ADCY9: variants seen among roughly 807,000 people sequenced by gnomAD.
ADCY9 encodes adenylate cyclase type 9.
Under a neutral mutation model 101.5 loss-of-function variants are expected in ADCY9, and 50 were observed. That is an observed-to-expected ratio of 0.49 (90% CI 0.39 to 0.62). The LOEUF is 0.62. ADCY9 is among the 20% of genes least tolerant of loss of function. ADCY9 has a pLI of 0.00. For synonymous variants in ADCY9, 905 were observed against 769.3 expected (o/e 1.18, Z -2.92); for missense variants, 1,662 against 1,800.4 (o/e 0.92, Z 1.39).
chr16:4,050,292 T>C (rs2056692421), intron 2 of ADCY9, among the ~76,000 whole-genome samples: 1 of 152,174 alleles, frequency 6.6e-6, no homozygotes, highest in African/African-American at 2.4e-5. Context: ...TCATGATTTT[T>C]ATATGAGATG....
At chr16:3,987,612 G>A (rs1175616638) in intron 6 of ADCY9, among the ~76,000 whole-genome samples, 4 of 152,230 alleles carry the variant, frequency 2.6e-5, no homozygotes, top group Non-Finnish European at 5.9e-5. Flanking sequence ...CACTCCGGGA[G>A]CCATGTCTGG....
At chr16:4,066,731 T>C (rs1172351211) in intron 2 of ADCY9, among the ~76,000 whole-genome samples, 1 of 152,114 alleles carries the variant, frequency 6.6e-6, no homozygotes, top group Non-Finnish European at 1.5e-5. Flanking sequence ...CCAGTAACAT[T>C]TACATGAGAT....
chr16:4,023,214 G>A (rs544532110), intron 2 of ADCY9, among the ~76,000 whole-genome samples: 1 of 152,344 alleles, frequency 6.6e-6, no homozygotes, highest in African/African-American at 2.4e-5. Context: ...GCTAGACGCT[G>A]GTGATAAAAC....
chr16:3,963,404 C>T lies in ADCY9; in HGVS notation c.*2371G>A, dbSNP rs1597128943. 3 of 398,568 alleles carry T rather than the reference C, an allele frequency of 7.5e-6. No individual in the cohort carries two copies. The South Asian group carries it at 3.8e-4, about 51-fold the overall frequency. 24.7% of individuals were successfully genotyped at this position (398,568 alleles called of 1,614,324 possible). On this transcript the variant is annotated 3_prime_UTR_variant, in exon 11 of 11. Coordinates refer to ENST00000294016, the MANE Select transcript of ADCY9 (RefSeq NM_001116.4). ...GCTGCAGAGATTCTGTGGTTCTGCA[C>T]TGAGGTATGCATCGGAGCAGGGGAC...
chr16:3,953,542 C>A (rs571392635), intron 5 of ADCY9: 1 of 151,846 alleles, frequency 6.6e-6, no homozygotes, highest in Non-Finnish European at 1.5e-5. Context: ...TGGGAAAATG[C>A]GGATAAGAAG....
Position 4,114,577 on chromosome 16 carries a change from C to A in ADCY9, c.866G>T (p.Gly289Val), listed in dbSNP as rs778614555. The A allele has an allele frequency of 6.2e-7, 1 of 1,614,014 alleles. No homozygotes were observed. Among genetic ancestry groups the A allele is most frequent in the Non-Finnish European group, 8.5e-7 (1 of 1,180,052 alleles). Residue 289 changes from glycine (G) to valine (V), a missense_variant, in exon 2 of 11, where the codon GGC becomes GTC. By Grantham distance (109) the Gly-to-Val change is moderately radical. This residue lies in a region of ADCY9 where 422 missense variants were observed against 392.0 expected (regional missense o/e 1.08). Transcript: ENST00000294016. This position sits in a 1 kb window ranked among gnomAD's most constrained non-coding sequence, Gnocchi z 4.3. ...GTGGACCCCGATGGCGTGGATGCAGCCGTGGAGCAGCCCCCTGCTCAGCAG... is the reference window on the plus strand; with the variant it reads ...GTGGACCCCGATGGCGTGGATGCAGACGTGGAGCAGCCCCCTGCTCAGCAG... ...WELLSRGLLH[G>V]CIHAIGVHLF... is the part of the protein sequence containing the mutation.
At chr16:3,986,906 G>T (rs1159925642) in intron 6 of ADCY9, among the ~76,000 whole-genome samples, 2 of 152,218 alleles carry the variant, frequency 1.3e-5, no homozygotes, top group Admixed American at 1.3e-4. Flanking sequence ...AACACAACCT[G>T]TTCCAGATCC....
chr16:4,013,883 C>T (rs570843489), intron 2 of ADCY9, among the ~76,000 whole-genome samples: 2 of 152,236 alleles, frequency 1.3e-5, no homozygotes, highest in East Asian at 1.9e-4. Context: ...AAATGCTCTC[C>T]GGAGGGTTGT....
chr16:4,054,908 C>A (rs1437514101), intron 2 of ADCY9, among the ~76,000 whole-genome samples: 2 of 152,150 alleles, frequency 1.3e-5, no homozygotes, highest in Non-Finnish European at 2.9e-5. Context: ...ACAAAAGAAT[C>A]CCACATGCTG....
intron 2 of ADCY9, among the ~76,000 whole-genome samples, chr16:4,028,313 C>A (rs1218699382): frequency 6.6e-6 from 1 of 152,206 alleles, no homozygotes; most frequent in Non-Finnish European, 1.5e-5. Flanking sequence ...ATGTTCAGAG[C>A]AGCTCTGTTT....
intron 2 of ADCY9, among the ~76,000 whole-genome samples, chr16:4,104,127 A>G (rs1286701966): frequency 1.3e-5 from 2 of 152,212 alleles, no homozygotes; most frequent in Non-Finnish European, 2.9e-5. Flanking sequence ...TCCTGGGAAT[A>G]TGAATGAGTC....
At chr16:4,011,054 T>C (rs1487299666) in intron 2 of ADCY9, among the ~76,000 whole-genome samples, 1 of 152,020 alleles carries the variant, frequency 6.6e-6, no homozygotes, top group African/African-American at 2.4e-5. Flanking sequence ...TGCTGTTCTG[T>C]TATTGCTTCA....
chr16:4,057,766 T>G (rs2141157044), intron 2 of ADCY9, among the ~76,000 whole-genome samples: 1 of 152,188 alleles, frequency 6.6e-6, no homozygotes, highest in East Asian at 1.9e-4. Flanking sequence ...TACGGCGTGT[T>G]CTCGATGTGT....
chr16:4,012,547 T>C (rs1006756046), intron 2 of ADCY9, among the ~76,000 whole-genome samples: 1 of 152,098 alleles, frequency 6.6e-6, no homozygotes, highest in African/African-American at 2.4e-5. Flanking sequence ...TGATTTCTTA[T>C]ATTCTTTCCT....
intron 2 of ADCY9, among the ~76,000 whole-genome samples, chr16:4,013,557 G>A (rs541470108): frequency 2.6e-5 from 4 of 152,324 alleles, no homozygotes; most frequent in East Asian, 3.9e-4. Flanking sequence ...AGAAGCTTAC[G>A]TCACTTATGA....
intron 2 of ADCY9, among the ~76,000 whole-genome samples, chr16:4,007,836 T>G (rs191663935): frequency 6.6e-6 from 1 of 151,876 alleles, no homozygotes; most frequent in East Asian, 1.9e-4. Flanking sequence ...AAAATAAGCA[T>G]TAAAAAGTTC....
intron 2 of ADCY9, among the ~76,000 whole-genome samples, chr16:4,056,754 C>T (rs999761060): frequency 6.6e-6 from 1 of 152,214 alleles, no homozygotes; most frequent in Non-Finnish European, 1.5e-5. Flanking sequence ...CATAGTAAGA[C>T]TTCAACAAAT....
At chr16:4,026,014 G>A (rs1338130109) in intron 2 of ADCY9, among the ~76,000 whole-genome samples, 1 of 152,184 alleles carries the variant, frequency 6.6e-6, no homozygotes, top group Non-Finnish European at 1.5e-5. Flanking sequence ...CAAAGAAATA[G>A]CAAAGACAGA....
At position 4,116,088 on chromosome 16, in the gene ADCY9, G is replaced by C. The variant is rs1315066858; in HGVS notation, c.-442C>G. Reference sequence around the variant, plus strand: ...CCCGCGGCGGCGGGCGCTGGGGGTGGGGGCGCCCCGGGCTGCGAGTGCGCG... The same window carrying C: ...CCCGCGGCGGCGGGCGCTGGGGGTGCGGGCGCCCCGGGCTGCGAGTGCGCG... On this transcript the variant is annotated 5_prime_UTR_variant, in exon 1 of 11. Coordinates refer to ENST00000294016, the MANE Select transcript of ADCY9 (RefSeq NM_001116.4). 1 of 145,724 alleles carries C rather than the reference G, an allele frequency of 6.9e-6. No homozygotes were observed. The highest frequency in any genetic ancestry group is 2.0e-4 in the East Asian group (1 of 5,018). 9.0% of individuals were successfully genotyped at this position (145,724 alleles called of 1,614,324 possible).
Sources: gnomAD v4.1 joint callset for allele counts (sites outside exome capture counted in the v4.1 genomes callset) on GRCh38, gnomAD v4.1.1 for gene constraint, gnomAD v4.1.1 regional missense constraint, Gnocchi (gnomAD v3.1) non-coding constraint, MANE v1.5 for transcripts, NCBI Gene and HGNC (gene_info 2026-07-23, HGNC 2026-07-21) for gene names.